CNTN5: variants seen among roughly 807,000 people sequenced by gnomAD.
CNTN5 encodes contactin-5.
A neutral mutation model predicts 129.1 loss-of-function variants in CNTN5; 77 were observed. The ratio of observed to expected loss-of-function variants is 0.60; its 90% CI spans 0.50 to 0.72. The LOEUF (loss-of-function observed/expected upper bound fraction) is 0.72. Among genes scored for constraint, CNTN5 ranks in the 30% least tolerant of loss-of-function variants. CNTN5 has a pLI of 0.00. For synonymous variants in CNTN5, 509 were observed against 465.6 expected, an observed-to-expected ratio of 1.09 and a Z score of -1.20; for missense variants, 1,478 against 1,328.8, an observed-to-expected ratio of 1.11 and a Z score of -1.75.
At chr11:99,967,993 T>G (rs548646111) in intron 8 of CNTN5, among the ~76,000 whole-genome samples, 1 of 152,292 alleles carries the variant, frequency 6.6e-6, no homozygotes, top group South Asian at 2.1e-4. Flanking sequence ...AAATATTAAC[T>G]AAAAAGAAGT....
intron 7 of CNTN5, among the ~76,000 whole-genome samples, chr11:99,950,142 A>G (rs986199305): frequency 2.6e-5 from 4 of 152,234 alleles, no homozygotes; most frequent in African/African-American, 7.2e-5. Flanking sequence ...CAAACATATG[A>G]CAAGTATTCT....
At chr11:100,297,897 A>G (rs1951129965) in intron 19 of CNTN5, among the ~76,000 whole-genome samples, 1 of 151,556 alleles carries the variant, frequency 6.6e-6, no homozygotes, top group Admixed American at 6.6e-5. Flanking sequence ...ATCAGTTGGA[A>G]TGATTTTCTT....
At chr11:99,591,841 A>G (rs948897249) in intron 3 of CNTN5, among the ~76,000 whole-genome samples, 10 of 152,212 alleles carry the variant, frequency 6.6e-5, no homozygotes, top group African/African-American at 2.4e-4. Context: ...TGCCCAAAAT[A>G]AAGATTTTAT....
At chr11:99,036,663 C>T (rs575665056) in intron 1 of CNTN5, among the ~76,000 whole-genome samples, 4 of 152,196 alleles carry the variant, frequency 2.6e-5, no homozygotes, top group African/African-American at 7.2e-5. Flanking sequence ...TCCTCCATAG[C>T]GATGATACTA....
intron 8 of CNTN5, among the ~76,000 whole-genome samples, chr11:99,984,144 G>T (rs577679292): frequency 2.0e-5 from 3 of 152,062 alleles, no homozygotes; most frequent in South Asian, 4.1e-4. Flanking sequence ...GGGCATGGTG[G>T]TACATGCCTG....
intron 16 of CNTN5, among the ~76,000 whole-genome samples, chr11:100,236,745 C>T (rs1949622157): frequency 6.6e-6 from 1 of 152,072 alleles, no homozygotes; most frequent in South Asian, 2.1e-4. Flanking sequence ...CTATGCAGAG[C>T]CTTCTGGCCT....
chr11:99,396,870 C>G (rs761900142), intron 2 of CNTN5, among the ~76,000 whole-genome samples: 2 of 151,656 alleles, frequency 1.3e-5, no homozygotes, highest in Admixed American at 6.6e-5. Flanking sequence ...AGGAATAAAA[C>G]AAGTATCTAG....
intron 2 of CNTN5, among the ~76,000 whole-genome samples, chr11:99,435,142 A>G (rs957142657): frequency 1.4e-4 from 21 of 152,140 alleles, no homozygotes; most frequent in African/African-American, 4.3e-4. Context: ...ATATCACAAC[A>G]TGATATTGGG....
At chr11:99,358,770 C>T (rs73543105) in intron 2 of CNTN5, among the ~76,000 whole-genome samples, 4,904 of 152,124 alleles carry the variant, frequency 0.032, 262 homozygotes, top group African/African-American at 0.11. Flanking sequence ...GAACTTCAGA[C>T]ATTCAGTTTA....
intron 8 of CNTN5, among the ~76,000 whole-genome samples, chr11:100,001,294 A>G (rs1939860028): frequency 6.6e-6 from 1 of 152,092 alleles, no homozygotes; most frequent in South Asian, 2.1e-4. Context: ...AAACCATGAA[A>G]TTTTGTGAGA....
intron 13 of CNTN5, among the ~76,000 whole-genome samples, chr11:100,096,323 G>A (rs539994084): frequency 1.3e-5 from 2 of 152,010 alleles, no homozygotes; most frequent in Non-Finnish European, 2.9e-5. Flanking sequence ...GGTTTTGCGA[G>A]AATTAAAAGA....
chr11:100,039,322 T>C (rs1942236095), intron 9 of CNTN5, among the ~76,000 whole-genome samples: 1 of 152,212 alleles, frequency 6.6e-6, no homozygotes, highest in African/African-American at 2.4e-5. Flanking sequence ...CTTGTAGAGT[T>C]TCTGCCCAGA....
At chr11:100,313,610 G>A (rs142444526) in intron 21 of CNTN5, among the ~76,000 whole-genome samples, 1 of 152,008 alleles carries the variant, frequency 6.6e-6, no homozygotes, top group South Asian at 2.1e-4. Context: ...CAAATTGAGA[G>A]AACAGGGCTG....
chr11:99,414,917 G>A (rs887807211), intron 2 of CNTN5, among the ~76,000 whole-genome samples: 4 of 152,146 alleles, frequency 2.6e-5, no homozygotes, highest in African/African-American at 7.2e-5. Context: ...AGAATTTTCT[G>A]TGCTTTTTAG....
intron 1 of CNTN5, among the ~76,000 whole-genome samples, chr11:99,306,746 GATA>G (rs3084742): frequency 0.18 from 26,153 of 146,494 alleles, 2,510 homozygotes; most frequent in African/African-American, 0.24. Flanking sequence ...AAATAATGAT[GATA>G]ATAATAATAA....
chr11:99,672,791 A>G (rs1272986482), intron 3 of CNTN5, among the ~76,000 whole-genome samples: 1 of 151,860 alleles, frequency 6.6e-6, no homozygotes, highest in Admixed American at 6.6e-5. Context: ...AGTAGTTACC[A>G]TTCTTTCTTT....
intron 1 of CNTN5, among the ~76,000 whole-genome samples, chr11:99,231,697 A>C (rs1159646414): frequency 6.6e-6 from 1 of 151,942 alleles, no homozygotes; most frequent in Non-Finnish European, 1.5e-5. Context: ...AATTGCTTTT[A>C]ACATTTTTGT....
rs1409198013 is a variant in CNTN5, at chr11:100,358,602, G to A, written c.*2382G>A. The A allele has an allele frequency of 2.6e-5, 4 of 151,782 alleles. No individual in the cohort carries two copies. The South Asian group carries it at 8.3e-4, about 31-fold the overall frequency. The allele number at this position is 151,782 out of a possible 1,614,324, so 9.4% of individuals were successfully genotyped here. A position where few individuals can be genotyped will look rare whatever the true frequency, so the allele number is the denominator to read the frequency against. On this transcript the variant is annotated 3_prime_UTR_variant, in exon 25 of 25. Coordinates refer to ENST00000524871, the MANE Select transcript of CNTN5 (RefSeq NM_014361.4). Reference sequence around the variant, plus strand: ...TTTCTGCTATGGGATAGTAACCACAGTCTTAAATCACTAAAGAGACTGTAT... The same window carrying A: ...TTTCTGCTATGGGATAGTAACCACAATCTTAAATCACTAAAGAGACTGTAT...
chr11:99,615,715 A>T (rs922462815), intron 3 of CNTN5, among the ~76,000 whole-genome samples: 3 of 151,948 alleles, frequency 2.0e-5, no homozygotes, highest in Non-Finnish European at 4.4e-5. Flanking sequence ...GGAAATTGAC[A>T]TTGATAAAAT....
Sources: gnomAD v4.1 joint callset for allele counts (sites outside exome capture counted in the v4.1 genomes callset) on GRCh38, gnomAD v4.1.1 for gene constraint, MANE v1.5 for transcripts, NCBI Gene and HGNC (gene_info 2026-07-23, HGNC 2026-07-21) for gene names.